The following KCTD1 variants were observed in gnomAD, a reference collection of about 807,000 sequenced individuals.
The protein encoded by KCTD1 is BTB/POZ domain-containing protein KCTD1.
A neutral mutation model predicts 66.0 loss-of-function variants in KCTD1; 24 were observed. The ratio of observed to expected loss-of-function variants is 0.36; its 90% confidence interval spans 0.26 to 0.51. The LOEUF (loss-of-function observed/expected upper bound fraction) is 0.51. Among genes scored for constraint, KCTD1 ranks in the 20% least tolerant of loss-of-function variants. The pLI is 0.95. For synonymous variants in KCTD1, 511 were observed against 517.2 expected, an observed-to-expected ratio of 0.99 and a Z score of 0.16; for missense variants, 943 against 1,205.2, an observed-to-expected ratio of 0.78 and a Z score of 3.22.
chr18:26,463,299 T>G (rs1344251275), intron 3 of KCTD1, among the ~76,000 whole-genome samples: 1 of 151,780 alleles, frequency 6.6e-6, no homozygotes, highest in Non-Finnish European at 1.5e-5. Flanking sequence ...CTATAAAAAG[T>G]AAAAATATTA....
chr18:26,584,604 A>G (rs1202424424), intron 1 of KCTD1, among the ~76,000 whole-genome samples: 1 of 152,188 alleles, frequency 6.6e-6, no homozygotes, highest in African/African-American at 2.4e-5. Flanking sequence ...TCCAGGAGGT[A>G]TCATGACAAA....
At position 26,501,318 on chromosome 18, in the gene KCTD1, C is replaced by G. The variant is rs1982751450; in HGVS notation, c.1810-68G>C. ...GTAGAAAGATAGGAAATACATATAG[C>G]ATAAAGAATAAACGAGTGATTAACG... On this transcript the variant is annotated intron_variant, in intron 1 of 4. Transcript: ENST00000580059. The G allele has an allele frequency of 2.2e-6, 3 of 1,339,980 alleles. No homozygotes were observed. In the Admixed American group the frequency reaches 6.0e-5, roughly 27 times the overall value. 83.0% of individuals were successfully genotyped at this position (1,339,980 alleles called of 1,614,324 possible).
intron 1 of KCTD1, chr18:26,545,497 T>C (rs931587764): frequency 3.9e-5 from 6 of 152,124 alleles, no homozygotes; most frequent in Non-Finnish European, 7.4e-5. Context: ...TGGTAAACGT[T>C]TGAAAGGGTC....
chr18:26,499,045 T>C (rs1163416516), intron 2 of KCTD1, among the ~76,000 whole-genome samples: 2 of 152,170 alleles, frequency 1.3e-5, no homozygotes, highest in Non-Finnish European at 2.9e-5. Flanking sequence ...CTAGTTACAA[T>C]GAGCATAGAA....
Position 26,476,747 on chromosome 18 carries a change from G to T in KCTD1, c.1989-88C>A. 1 of 1,234,530 alleles carries T rather than the reference G, an allele frequency of 8.1e-7. No homozygotes were observed. The highest frequency in any genetic ancestry group is 1.2e-6 in the Non-Finnish European group (1 of 868,422). 76.5% of individuals were successfully genotyped at this position (1,234,530 alleles called of 1,614,324 possible). ...GAGGTGTCTTTTATCACTGTCAAAG[G>T]TAGCACTTTTGAAGATGGCAGTAGG... On this transcript the variant is annotated intron_variant, in intron 2 of 4. Coordinates refer to ENST00000580059, the MANE Select transcript of KCTD1 (RefSeq NM_001142730.3). This position sits in a 1 kb window ranked among gnomAD's most constrained non-coding sequence, Gnocchi z 4.9.
intron 1 of KCTD1, among the ~76,000 whole-genome samples, chr18:26,635,597 G>A (rs1389162032): frequency 6.6e-6 from 1 of 152,204 alleles, no homozygotes; most frequent in Non-Finnish European, 1.5e-5. Flanking sequence ...AGCTAGAGCA[G>A]TGCTCCTCTA....
At chr18:26,644,764 AAAAG>A (rs1341389458), upstream of KCTD1, among the ~76,000 whole-genome samples, 7 of 150,698 alleles carry the variant, frequency 4.6e-5, no homozygotes, top group East Asian at 1.9e-4. Context: ...CTAAAAAAAA[AAAAG>A]AGAGAGAGAG....
At chr18:26,534,512 T>G (rs1025289709) in intron 1 of KCTD1, among the ~76,000 whole-genome samples, 1 of 152,180 alleles carries the variant, frequency 6.6e-6, no homozygotes, top group Non-Finnish European at 1.5e-5. Context: ...TGTCTTATCT[T>G]TCAAAGAGAA....
intron 1 of KCTD1, among the ~76,000 whole-genome samples, chr18:26,579,859 C>T (rs943207347): frequency 2.6e-5 from 4 of 152,116 alleles, no homozygotes; most frequent in African/African-American, 4.8e-5. Context: ...AGGTCTCCCA[C>T]ACATTGGAAG....
intron 1 of KCTD1, chr18:26,566,130 ATGGCT>A (rs1185814570): frequency 6.6e-6 from 1 of 152,194 alleles, no homozygotes; most frequent in African/African-American, 2.4e-5. Context: ...GTTGAATCTA[ATGGCT>A]TGCCATTTTG....
In KCTD1 at chr18:26,555,524, T is replaced by G. The variant is rs543956733; in HGVS notation, c.-15-54274A>C. Among the ~76,000 whole-genome samples, 5 of 152,376 alleles carry G rather than the reference T, an allele frequency of 3.3e-5. No individual in the cohort carries two copies. The East Asian group carries it at 9.6e-4, about 29-fold the overall frequency. On this transcript the variant is annotated intron_variant, in intron 1 of 4. Coordinates refer to the KCTD1 transcript ENST00000317932. ...CCATGAAAATGTTCATATGCTTTGA[T>G]GCACAAATTGCTTCTAGAAGTTCAT...
intron 1 of KCTD1, among the ~76,000 whole-genome samples, chr18:26,573,960 C>A (rs1323974847): frequency 6.6e-6 from 1 of 152,076 alleles, no homozygotes; most frequent in Non-Finnish European, 1.5e-5. Flanking sequence ...ACCAGTATTG[C>A]CCCAAAGTCA....
intron 1 of KCTD1, among the ~76,000 whole-genome samples, chr18:26,521,636 T>C (rs1983916325): frequency 1.3e-5 from 2 of 152,210 alleles, no homozygotes; most frequent in African/African-American, 4.8e-5. Context: ...GATTTATAGT[T>C]ATTAAACTTC....
chr18:26,466,105 G>C (rs2144557896), intron 3 of KCTD1, among the ~76,000 whole-genome samples: 1 of 147,272 alleles, frequency 6.8e-6, no homozygotes, highest in Admixed American at 6.7e-5. Flanking sequence ...GCGAGTGGGG[G>C]CCTATCCAGG....
intron 2 of KCTD1, among the ~76,000 whole-genome samples, chr18:26,495,312 T>G (rs1267624324): frequency 6.6e-6 from 1 of 152,244 alleles, no homozygotes; most frequent in Non-Finnish European, 1.5e-5. Context: ...AATTGTTGAA[T>G]GCAATTATCC....
At position 26,548,495 on chromosome 18, in the gene KCTD1, C is replaced by T. The variant is rs1238882336; in HGVS notation, c.42G>A (p.Ala14=). The change falls in exon 1 of 5, where the codon GCG becomes GCA. Residue 14 remains alanine (A), a synonymous_variant. Coordinates refer to ENST00000580059, the MANE Select transcript of KCTD1 (RefSeq NM_001142730.3). ...CGGCGGCAGCGCTGGCGCTGCCGCC[C>T]GCGCTGGTGTTACAGTCCCCGCTGC... is the stretch of plus-strand genomic sequence containing the variant. ...MPGSGDCNTS[A]GGSASAAAAA... is the part of the protein sequence containing the mutation. The T allele has an allele frequency of 5.6e-6, 7 of 1,250,498 alleles. No individual in the cohort carries two copies. Among genetic ancestry groups the T allele is most frequent in the African/African-American group, 3.1e-5 (2 of 64,226 alleles). 77.5% of individuals were successfully genotyped at this position (1,250,498 alleles called of 1,614,324 possible). A position where few individuals can be genotyped will look rare whatever the true frequency, so the allele number is the denominator to read the frequency against.
At position 26,534,012 on chromosome 18, in the gene KCTD1, A is replaced by G. The variant is rs543595942; in HGVS notation, c.1809+12716T>C. Among the ~76,000 whole-genome samples, 5 of 152,288 alleles carry G rather than the reference A, an allele frequency of 3.3e-5. No homozygotes were observed. In the South Asian group the frequency reaches 8.3e-4, roughly 25 times the overall value. On this transcript the variant is annotated intron_variant, in intron 1 of 4. Coordinates refer to ENST00000580059, the MANE Select transcript of KCTD1 (RefSeq NM_001142730.3). ...GTATCGTAACATTCTAATGAAAATT[A>G]TAAATAAAAAGTGACTGATCTCCAT...
chr18:26,567,311 T>C (rs1653200661), intron 1 of KCTD1, among the ~76,000 whole-genome samples: 1 of 152,198 alleles, frequency 6.6e-6, no homozygotes, highest in Non-Finnish European at 1.5e-5. Flanking sequence ...ATCAGAAGGT[T>C]ATTTACATAC....
chr18:26,551,065 C>G (rs2144855765), upstream of KCTD1, among the ~76,000 whole-genome samples: 1 of 152,308 alleles, frequency 6.6e-6, no homozygotes, highest in East Asian at 1.9e-4. Context: ...CTCCCCACCT[C>G]TGCGGGCGGC....
Sources: allele counts gnomAD v4.1 joint callset (sites outside exome capture counted in the v4.1 genomes callset), GRCh38; gene constraint gnomAD v4.1.1; non-coding constraint Gnocchi (gnomAD v3.1); transcripts MANE v1.5; gene names NCBI Gene and HGNC (gene_info 2026-07-23, HGNC 2026-07-21).